The following ITIH6 variants were observed in gnomAD, a reference collection of about 807,000 sequenced individuals.
ITIH6 encodes inter-alpha-trypsin inhibitor heavy chain H6.
A neutral mutation model predicts 58.2 loss-of-function variants in ITIH6; 60 were observed. That is an observed-to-expected ratio of 1.03 (90% CI 0.84 to 1.28). The LOEUF (loss-of-function observed/expected upper bound fraction) is 1.28. ITIH6 is among the 50% of genes most tolerant of loss of function. ITIH6 has a pLI of 0.00. For synonymous variants in ITIH6, 493 were observed against 417.4 expected (o/e 1.18, Z -2.21); for missense variants, 1,290 against 1,021.1 (o/e 1.26, Z -3.59).
At chrX:54,770,970 A>G (rs1322823055) in intron 6 of ITIH6, among the ~76,000 whole-genome samples, 5 of 111,701 alleles carry the variant, frequency 4.5e-5, no homozygotes, top group Non-Finnish European at 9.4e-5. Context: ...ATTTTGATGT[A>G]TACAGAATTC....
rs1298836792 is a variant in ITIH6 at position 54,751,023 on chromosome X, G to A, written c.3710C>T (p.Pro1237Leu). 1.7e-6 allele frequency: 2 copies of A among 1,168,980 alleles called. No individual in the cohort carries two copies. The highest frequency in any genetic ancestry group is 2.3e-6 in the Non-Finnish European group (2 of 873,611). ...FYVANGSGLS[P>L]SARGLIGQFQ... ...CTTACCTATCAGGCCACGGGCTGAG[G>A]GGCTGAGGCCTGAGCCATTGGCCAC... The change falls in exon 12 of 13, where the codon CCC (proline) becomes CTC (leucine). Residue 1237 changes from proline to leucine, a missense_variant. Physicochemically the swap from Pro to Leu is moderately conservative, Grantham distance 98 (BLOSUM62 -3). Transcript: ENST00000218436.
intron 2 of ITIH6, among the ~76,000 whole-genome samples, chrX:54,792,274 G>A (rs918581123): frequency 2.7e-5 from 3 of 111,946 alleles, no homozygotes; most frequent in Non-Finnish European, 5.6e-5. Context: ...GGAAATAGAG[G>A]CCACACAGCA....
At position 54,753,760 on chromosome X, in the gene ITIH6, G is replaced by A. The variant is rs773813579; in HGVS notation, c.3243C>T (p.Asp1081=). The change falls in exon 11 of 13, where the codon GAC becomes GAT. Residue 1081 remains aspartate (D), a synonymous_variant. Transcript: ENST00000218436. ...PSIFTFSSSV[D]GDPHFVIQIP... ...TTTGGATCACAAAGTGGGGGTCCCC[G>A]TCCACTGCAAGGCAGAAGATACAAC... 16 of 1,191,763 alleles carry A rather than the reference G, an allele frequency of 1.3e-5. No homozygotes were observed. The highest frequency in any genetic ancestry group is 1.1e-4 in the Admixed American group (5 of 45,554).
At chrX:54,777,976 AC>A (rs1009392499) in intron 5 of ITIH6, among the ~76,000 whole-genome samples, 2 of 112,024 alleles carry the variant, frequency 1.8e-5, no homozygotes, top group African/African-American at 6.5e-5. Context: ...GTCACCAGGG[AC>A]CAATTCTGAA....
chrX:54,788,657 G>A lies in ITIH6; in HGVS notation c.617-8C>T. 1 of 1,202,962 alleles carries A rather than the reference G, an allele frequency of 8.3e-7. No individual in the cohort carries two copies. Among genetic ancestry groups the A allele is most frequent in the East Asian group, 3.0e-5 (1 of 33,635 alleles). ...GGGGTGAATCCACCTCACCTGTATG[G>A]GTGGGGAGGATCGGGGCGGGGTGGT... is the stretch of plus-strand genomic sequence containing the variant. On this transcript the variant is annotated splice_region_variant and splice_polypyrimidine_tract_variant and intron_variant, in intron 4 of 12. Coordinates refer to ENST00000218436, the MANE Select transcript of ITIH6 (RefSeq NM_198510.3).
rs779453609 is a variant in ITIH6, at chrX:54,757,988, T to C, written c.2086A>G (p.Thr696Ala). ...ELEPLGESPH[T>A]LSMPTYPKAK... ...TTTGGGTATGTGGGCATTGACAGGG[T>C]ATGAGGGCTCTCTCCCAATGGCTCC... The change falls in exon 8 of 13, where the codon ACC (threonine) becomes GCC (alanine). Residue 696 changes from threonine to alanine, a missense_variant. By Grantham distance (58) the Thr-to-Ala change is moderately conservative. Coordinates refer to ENST00000218436, the MANE Select transcript of ITIH6 (RefSeq NM_198510.3). The C allele has an allele frequency of 3.3e-6, 4 of 1,211,403 alleles. No homozygotes were observed. In the South Asian group the frequency reaches 7.0e-5, roughly 21 times the overall value.
In ITIH6 at chrX:54,758,784, C is replaced by G; in HGVS notation, c.1290G>C (p.Gly430=). The part of the protein sequence containing the change: ...HRVSLFSLAF[G]DDADFTLLRR... ...GCAGCAGTGTAAAGTCAGCATCATCCCCAAAGGCCAAGCTGAAAAGGGATA... is the reference window on the plus strand; with the variant it reads ...GCAGCAGTGTAAAGTCAGCATCATCGCCAAAGGCCAAGCTGAAAAGGGATA... The change falls in exon 8 of 13, where the codon GGG becomes GGC. Residue 430 remains glycine (G), a synonymous_variant. Coordinates refer to ENST00000218436, the MANE Select transcript of ITIH6 (RefSeq NM_198510.3). 8.3e-7 allele frequency: 1 copy of G among 1,209,517 alleles called. No individual in the cohort carries two copies. The highest frequency in any genetic ancestry group is 1.1e-6 in the Non-Finnish European group (1 of 893,893).
chrX:54,795,977 G>T (rs1460639116), intron 2 of ITIH6, among the ~76,000 whole-genome samples: 3 of 111,879 alleles, frequency 2.7e-5, no homozygotes, highest in Non-Finnish European at 5.6e-5. Context: ...CAATCCTCCT[G>T]CCTCAGCCTT....
At chrX:54,797,219 C>G (rs1929459752) in intron 1 of ITIH6, 123 bp from the exon 2 acceptor site, 1 of 502,940 alleles carries the variant, frequency 2.0e-6, no homozygotes. Flanking sequence ...AAACTAAGGC[C>G]TAGAGAGGGA....
intron 5 of ITIH6, among the ~76,000 whole-genome samples, chrX:54,779,310 C>G (rs1160370290): frequency 1.8e-5 from 2 of 111,986 alleles, no homozygotes; most frequent in Admixed American, 9.5e-5. Context: ...ATGACCTAAT[C>G]AAAAGTACTA....
At chrX:54,762,324 TA>T (rs1928664613) in intron 6 of ITIH6, among the ~76,000 whole-genome samples, 1 of 111,762 alleles carries the variant, frequency 8.9e-6, no homozygotes, top group South Asian at 3.7e-4. Flanking sequence ...CTTATCAGCT[TA>T]AGGAGATTTT....
chrX:54,756,900 C>T, intron 8 of ITIH6, 65 bp downstream of exon 8: 3 of 698,835 alleles, frequency 4.3e-6, no homozygotes, highest in African/African-American at 2.2e-5. Context: ...TGTAGATTCC[C>T]AGCTCCTGGT....
chrX:54,792,494 C>T (rs1226391109), intron 2 of ITIH6, among the ~76,000 whole-genome samples: 3 of 111,919 alleles, frequency 2.7e-5, no homozygotes, highest in African/African-American at 9.7e-5. Flanking sequence ...TAACTCAGAT[C>T]ATCTCAGAAA....
intron 6 of ITIH6, among the ~76,000 whole-genome samples, chrX:54,762,352 G>A (rs1025318919): frequency 9.0e-6 from 1 of 111,387 alleles, no homozygotes; most frequent in Non-Finnish European, 1.9e-5. Context: ...AGACAATGGG[G>A]TTTTCTAGAT....
intron 2 of ITIH6, among the ~76,000 whole-genome samples, chrX:54,794,661 G>A (rs770501617): frequency 9.0e-6 from 1 of 111,246 alleles, no homozygotes; most frequent in Non-Finnish European, 1.9e-5. Context: ...GTTCTTGATG[G>A]CACAGCCTAG....
In ITIH6 at chrX:54,758,951, G is replaced by T; in HGVS notation, c.1123C>A (p.His375Asn). ...CCCCTCCCAGGCTCCTGGTTGCTAT[G>T]GTTCAGCACTGAAGCAGCTGCCAGC... ...ALLAAASVLN[H>N]SNQEPGRGPS... Residue 375 changes from histidine to asparagine, a missense_variant, in exon 8 of 13, where the codon CAT (histidine) becomes AAT (asparagine). Physicochemically the swap from His to Asn is moderately conservative, Grantham distance 68 (BLOSUM62 1). Coordinates refer to ENST00000218436, the MANE Select transcript of ITIH6 (RefSeq NM_198510.3). The T allele has an allele frequency of 8.4e-7, 1 of 1,193,360 alleles. No homozygotes were observed. Among genetic ancestry groups the T allele is most frequent in the Non-Finnish European group, 1.1e-6 (1 of 885,215 alleles).
chrX:54,759,770 A>G lies in ITIH6; in HGVS notation c.1061T>C (p.Met354Thr). ...CTAACACTTACAGCCATCGGCTTCCATGCAATGCAGGTAGTCCTTGGCACT... is the reference window on the plus strand; with the variant it reads ...CTAACACTTACAGCCATCGGCTTCCGTGCAATGCAGGTAGTCCTTGGCACT... ...VHSAKDYLHC[M>T]EADGWTDVNS... Residue 354 changes from methionine (M) to threonine (T), a missense_variant, in exon 7 of 13, where the codon ATG (methionine) becomes ACG (threonine). By Grantham distance (81) the Met-to-Thr change is moderately conservative. Coordinates refer to ENST00000218436, the MANE Select transcript of ITIH6 (RefSeq NM_198510.3). 2 of 1,208,800 alleles carry G rather than the reference A, an allele frequency of 1.7e-6. No individual in the cohort carries two copies. The highest frequency in any genetic ancestry group is 1.8e-5 in the South Asian group (1 of 56,170).
intron 5 of ITIH6, among the ~76,000 whole-genome samples, chrX:54,781,243 G>A (rs1360434795): frequency 9.0e-6 from 1 of 111,550 alleles, no homozygotes; most frequent in Non-Finnish European, 1.9e-5. Flanking sequence ...GAGACAAGTG[G>A]GATCCAATTA....
chrX:54,751,347 G>C lies in ITIH6; in HGVS notation c.3386C>G (p.Pro1129Arg). ...CTGGTCCTTGTGGCCCGGCCTTGGTGGTGCGCCAAGCAGCTTCCCACTCAC... is the reference window on the plus strand; with the variant it reads ...CTGGTCCTTGTGGCCCGGCCTTGGTCGTGCGCCAAGCAGCTTCCCACTCAC... Reference protein sequence around the residue: ...LHVSGKLLGAPPRPGHKDQTR... With the variant: ...LHVSGKLLGARPRPGHKDQTR... The change falls in exon 12 of 13, where the codon CCA (proline) becomes CGA (arginine). Residue 1129 changes from proline (P) to arginine (R), a missense_variant. Physicochemically the swap from Pro to Arg is moderately radical, Grantham distance 103. Coordinates refer to ENST00000218436, the MANE Select transcript of ITIH6 (RefSeq NM_198510.3). The C allele has an allele frequency of 1.7e-6, 2 of 1,212,037 alleles. No individual in the cohort carries two copies. Among genetic ancestry groups the C allele is most frequent in the Non-Finnish European group, 2.2e-6 (2 of 895,457 alleles).
Sources: gnomAD v4.1 joint callset for allele counts (sites outside exome capture counted in the v4.1 genomes callset) on GRCh38, gnomAD v4.1.1 for gene constraint, MANE v1.5 for transcripts, NCBI Gene and HGNC (gene_info 2026-07-23, HGNC 2026-07-21) for gene names.